The following KAZN variants were observed in gnomAD, a reference collection of about 807,000 sequenced individuals.
KAZN encodes kazrin, periplakin interacting protein.
In KAZN, 40 loss-of-function variants were observed where a neutral mutation model predicts 87.4. The ratio of observed to expected loss-of-function variants is 0.46; its 90% CI spans 0.36 to 0.60. KAZN has a LOEUF of 0.60. Ranked by LOEUF, KAZN falls within the 20% of genes least tolerant of loss-of-function variation. The pLI, the probability that KAZN is intolerant of heterozygous loss-of-function variation, is 0.00. For missense variants in KAZN, 898 were observed against 1,073.9 expected (o/e 0.84, Z 2.29); for synonymous variants, 466 against 458.3 (o/e 1.02, Z -0.22).
intron 2 of KAZN, among the ~76,000 whole-genome samples, chr1:15,016,492 G>C (rs10927630): frequency 0.16 from 23,724 of 151,858 alleles, 2,061 homozygotes; most frequent in Non-Finnish European, 0.19. Context: ...CACCATGTTG[G>C]CTAGGCTGGT....
intron 1 of KAZN, among the ~76,000 whole-genome samples, chr1:14,050,577 C>T (rs1017746353): frequency 6.6e-6 from 1 of 152,180 alleles, no homozygotes; most frequent in Non-Finnish European, 1.5e-5. Context: ...CACTCACTCT[C>T]GTGAGAACAG....
chr1:14,695,748 C>T (rs1641567669), intron 1 of KAZN, among the ~76,000 whole-genome samples: 1 of 151,916 alleles, frequency 6.6e-6, no homozygotes, highest in African/African-American at 2.4e-5. Context: ...TCATGATCCA[C>T]CCATCTTGGC....
At chr1:14,708,735 A>G (rs1162771287) in intron 1 of KAZN, among the ~76,000 whole-genome samples, 2 of 152,208 alleles carry the variant, frequency 1.3e-5, no homozygotes, top group Non-Finnish European at 2.9e-5. Context: ...ACCCTTTGGC[A>G]TCTCTTTTTG....
At chr1:14,756,015 G>A (rs932251346) in intron 1 of KAZN, among the ~76,000 whole-genome samples, 3 of 152,174 alleles carry the variant, frequency 2.0e-5, no homozygotes, top group African/African-American at 7.2e-5. Context: ...TCCACTGCAG[G>A]GGAGGAGAAG....
Position 14,302,334 on chromosome 1 carries a change from G to A in KAZN, c.249+121742G>A, listed in dbSNP as rs898358812. 2.6e-5 allele frequency among the ~76,000 whole-genome samples: 4 copies of A among 152,290 alleles called. No individual in the cohort carries two copies. In the South Asian group the frequency reaches 8.3e-4, roughly 32 times the overall value. On this transcript the variant is annotated intron_variant, in intron 2 of 16. Transcript: ENST00000636203. The stretch of plus-strand genomic sequence containing the variant: ...AGAACATAATGTGGAAGCAGGTATA[G>A]CCTCTCCCATCTTGCACCAAAGGAC...
In KAZN at chr1:15,117,790, T is replaced by A. The variant is rs1306450159; in HGVS notation, c.*3155T>A. ...CCACTTCCACTCTGCTTTTCGAGGCTCCGGAGGGCTCTTCCTGCTGTGAAA... is the reference window on the plus strand; with the variant it reads ...CCACTTCCACTCTGCTTTTCGAGGCACCGGAGGGCTCTTCCTGCTGTGAAA... On this transcript the variant is annotated 3_prime_UTR_variant, in exon 15 of 15. Coordinates refer to ENST00000376030, the MANE Select transcript of KAZN (RefSeq NM_201628.3). The A allele has an allele frequency of 6.6e-6, 1 of 152,240 alleles. No homozygotes were observed. Among genetic ancestry groups the A allele is most frequent in the Admixed American group, 6.5e-5 (1 of 15,280 alleles). 9.4% of individuals were successfully genotyped at this position (152,240 alleles called of 1,614,324 possible).
chr1:13,948,524 C>T (rs1641229299), intron 1 of KAZN, among the ~76,000 whole-genome samples: 1 of 152,088 alleles, frequency 6.6e-6, no homozygotes, highest in East Asian at 1.9e-4. Context: ...GTAAATTACC[C>T]AGTCTCTGGT....
chr1:14,727,450 C>CTTTCTTTTTTTTTTTT (rs1643440796), intron 1 of KAZN, among the ~76,000 whole-genome samples: 1 of 73,910 alleles, frequency 1.4e-5, no homozygotes, highest in Non-Finnish European at 2.6e-5. Context: ...TGTGCACTTT[C>CTTTCTTTTTTTTTTTT]TTTTTTTTTT....
chr1:15,074,951 A>G (rs987927480), intron 8 of KAZN, among the ~76,000 whole-genome samples: 1 of 152,182 alleles, frequency 6.6e-6, no homozygotes, highest in African/African-American at 2.4e-5. Context: ...GATGATGACA[A>G]TGGCAATGGT....
chr1:14,064,922 A>G (rs1349355826), intron 1 of KAZN, among the ~76,000 whole-genome samples: 1 of 152,126 alleles, frequency 6.6e-6, no homozygotes, highest in Non-Finnish European at 1.5e-5. Flanking sequence ...TGTCCCGGCA[A>G]ATGCTTACTA....
intron 1 of KAZN, among the ~76,000 whole-genome samples, chr1:14,828,482 G>A (rs1025833226): frequency 6.6e-6 from 1 of 152,160 alleles, no homozygotes; most frequent in Non-Finnish European, 1.5e-5. Flanking sequence ...TGGCCTAAGA[G>A]GAGGGTGCAT....
chr1:14,837,913 A>G (rs1352688260), intron 1 of KAZN, among the ~76,000 whole-genome samples: 1 of 152,180 alleles, frequency 6.6e-6, no homozygotes, highest in Non-Finnish European at 1.5e-5. Flanking sequence ...CTGATGGACC[A>G]TGGAGCTATA....
At position 14,930,765 on chromosome 1, in the gene KAZN, G is replaced by A. The variant is rs573837425; in HGVS notation, c.227-29919G>A. ...TCCCCGGGCTACCAGGCCACAGAGC[G>A]GAGGCTGAGCTGCCGAGAGTCACAG... is the stretch of plus-strand genomic sequence containing the variant. On this transcript the variant is annotated intron_variant, in intron 1 of 14. Coordinates refer to ENST00000376030, the MANE Select transcript of KAZN (RefSeq NM_201628.3). Among the ~76,000 whole-genome samples, 12 of 152,358 alleles carry A rather than the reference G, an allele frequency of 7.9e-5. No individual in the cohort carries two copies. In the South Asian group the frequency reaches 8.3e-4, roughly 11 times the overall value.
intron 1 of KAZN, among the ~76,000 whole-genome samples, chr1:14,780,298 C>A (rs1645294222): frequency 6.6e-6 from 1 of 152,206 alleles, no homozygotes; most frequent in Non-Finnish European, 1.5e-5. Flanking sequence ...CTCTTCCCAG[C>A]CTCCCCTCTC....
intron 2 of KAZN, among the ~76,000 whole-genome samples, chr1:14,576,519 C>T (rs1029106620): frequency 2.0e-5 from 3 of 152,172 alleles, no homozygotes; most frequent in Admixed American, 1.3e-4. Flanking sequence ...ATGAAAGGAA[C>T]ATGCTGAAAA....
intron 2 of KAZN, among the ~76,000 whole-genome samples, chr1:14,303,080 C>A (rs1181768384): frequency 1.3e-5 from 2 of 152,140 alleles, no homozygotes; most frequent in African/African-American, 4.8e-5. Flanking sequence ...CTAGACTCAA[C>A]CTTCTTAGGA....
At chr1:14,704,259 A>G (rs1326649209) in intron 1 of KAZN, among the ~76,000 whole-genome samples, 1 of 152,244 alleles carries the variant, frequency 6.6e-6, no homozygotes, top group Non-Finnish European at 1.5e-5. Context: ...TTACCCAACC[A>G]TAAGGATCCT....
intron 10 of KAZN, among the ~76,000 whole-genome samples, chr1:15,098,920 C>A (rs985320542): frequency 2.0e-5 from 3 of 152,190 alleles, no homozygotes; most frequent in Non-Finnish European, 4.4e-5. Context: ...CCCCACCCTG[C>A]CCCCCAGGAG....
chr1:15,093,819 A>C (rs1640675983), intron 8 of KAZN, among the ~76,000 whole-genome samples: 1 of 152,144 alleles, frequency 6.6e-6, no homozygotes, highest in Non-Finnish European at 1.5e-5. Flanking sequence ...AGTTCATCTT[A>C]TTTAGGAATC....
Sources: gnomAD v4.1 joint callset for allele counts (sites outside exome capture counted in the v4.1 genomes callset) on GRCh38, gnomAD v4.1.1 for gene constraint, MANE v1.5 for transcripts, NCBI Gene and HGNC (gene_info 2026-07-23, HGNC 2026-07-21) for gene names.